The following CTSO variants were observed in gnomAD, a reference collection of about 807,000 sequenced individuals.
The protein encoded by CTSO is cathepsin O.
Under a neutral mutation model 42.4 loss-of-function variants are expected in CTSO, and 40 were observed. The ratio of observed to expected loss-of-function variants is 0.94; its 90% CI spans 0.73 to 1.23. The LOEUF (loss-of-function observed/expected upper bound fraction) is 1.23, where lower values mean the gene tolerates loss of function less well. Among genes scored for constraint, CTSO ranks in the 50% most tolerant of loss-of-function variants. The pLI is 0.00. For missense variants in CTSO, 441 were observed against 396.0 expected (o/e 1.11, Z -0.96); for synonymous variants, 156 against 146.2 (o/e 1.07, Z -0.48).
chr4:155,928,456 T>G (rs1167364714), intron 6 of CTSO, 28 bp from the exon 7 acceptor site: 1 of 1,487,400 alleles, frequency 6.7e-7, no homozygotes, highest in Non-Finnish European at 9.3e-7. Flanking sequence ...TAGTAACAAA[T>G]CCTGAAAACT....
At chr4:155,934,705 T>C (rs981235008) in intron 5 of CTSO, among the ~76,000 whole-genome samples, 1 of 152,186 alleles carries the variant, frequency 6.6e-6, no homozygotes, top group African/African-American at 2.4e-5. Flanking sequence ...TGGAGTTCCA[T>C]GGGCCCTCTA....
intron 4 of CTSO, among the ~76,000 whole-genome samples, chr4:155,938,370 G>T (rs1023910976): frequency 6.6e-6 from 1 of 152,152 alleles, no homozygotes; most frequent in African/African-American, 2.4e-5. Context: ...TGCAACCAAT[G>T]GATAATGGAA....
At chr4:155,927,201 A>G (rs1200907099) in intron 7 of CTSO, among the ~76,000 whole-genome samples, 1 of 152,236 alleles carries the variant, frequency 6.6e-6, no homozygotes, top group Non-Finnish European at 1.5e-5. Flanking sequence ...GTTAATAGTC[A>G]TTGAACATAA....
chr4:155,929,262 G>A lies in CTSO; in HGVS notation c.838+280C>T, dbSNP rs142648942. Among the ~76,000 whole-genome samples the A allele has an allele frequency of 3.7e-3, 559 of 152,220 alleles. 2 individuals carry two copies. The highest frequency in any genetic ancestry group is 0.013 in the African/African-American group (524 of 41,532). ...TAAATATGTGGGTAAAGCTCTGTTC[G>A]GGGCTCTCAGCTCTGAAGGCTGTGA... On this transcript the variant is annotated intron_variant, in intron 6 of 7. Coordinates refer to ENST00000433477, the MANE Select transcript of CTSO (RefSeq NM_001334.3).
At position 155,924,282 on chromosome 4, in the gene CTSO, A is replaced by T. The variant is rs755959464; in HGVS notation, c.*1754T>A. ...TCACATAGAAAGTCAGCGAATACAAACTAGACAAGCAGGACATAGTTCTTT... is the reference window on the plus strand; with the variant it reads ...TCACATAGAAAGTCAGCGAATACAATCTAGACAAGCAGGACATAGTTCTTT... On this transcript the variant is annotated 3_prime_UTR_variant, in exon 8 of 8. Coordinates refer to ENST00000433477, the MANE Select transcript of CTSO (RefSeq NM_001334.3). The T allele has an allele frequency of 6.6e-6, 1 of 151,496 alleles. No homozygotes were observed. The highest frequency in any genetic ancestry group is 1.5e-5 in the Non-Finnish European group (1 of 67,526). 9.4% of individuals were successfully genotyped at this position (151,496 alleles called of 1,614,324 possible).
chr4:155,937,103 A>G (rs1264541726), intron 5 of CTSO, among the ~76,000 whole-genome samples: 2 of 152,020 alleles, frequency 1.3e-5, no homozygotes, highest in Non-Finnish European at 2.9e-5. Context: ...AATATAACAA[A>G]TAAATATACA....
intron 1 of CTSO, among the ~76,000 whole-genome samples, chr4:155,952,917 T>C (rs571979519): frequency 3.3e-5 from 5 of 152,244 alleles, no homozygotes; most frequent in African/African-American, 1.2e-4. Flanking sequence ...TTAAATAGTA[T>C]CAGCTATCTA....
intron 1 of CTSO, among the ~76,000 whole-genome samples, chr4:155,953,394 G>C (rs544243464): frequency 2.6e-5 from 4 of 152,176 alleles, no homozygotes; most frequent in African/African-American, 7.2e-5. Flanking sequence ...TTGCTAAAAG[G>C]GGGTGCTTCT....
intron 3 of CTSO, 21 bp downstream of exon 3, chr4:155,942,296 A>G (rs1231997673): frequency 3.2e-6 from 5 of 1,541,944 alleles, no homozygotes; most frequent in Non-Finnish European, 4.4e-6. Flanking sequence ...TGATTAGAAA[A>G]GAAGAGGGAT....
chr4:155,953,823 GCCACGGCAGCGCCCGCACGT>G lies in CTSO; in HGVS notation c.5_24del (p.Asp2AlafsTer32). 2 of 1,317,962 alleles carry G rather than the reference GCCACGGCAGCGCCCGCACGT, an allele frequency of 1.5e-6. No homozygotes were observed. The highest frequency in any genetic ancestry group is 3.0e-5 in the African/African-American group (2 of 65,596). 81.6% of individuals were successfully genotyped at this position (1,317,962 alleles called of 1,614,324 possible). A position where few individuals can be genotyped will look rare whatever the true frequency, so the allele number is the denominator to read the frequency against. On this transcript the variant is annotated frameshift_variant, in exon 1 of 8. Coordinates refer to ENST00000433477, the MANE Select transcript of CTSO (RefSeq NM_001334.3). LOFTEE classifies it high-confidence loss of function. Reference sequence around the variant, plus strand: ...CACAGCAGCCACAGCAGCCACGGCAGCCACGGCAGCGCCCGCACGTCCATTGCGGCGCCCGGCTCCTCTGC... The same window carrying G: ...CACAGCAGCCACAGCAGCCACGGCAGCCATTGCGGCGCCCGGCTCCTCTGC...
At chr4:155,930,062 G>A (rs775500383) in intron 5 of CTSO, among the ~76,000 whole-genome samples, 14 of 152,180 alleles carry the variant, frequency 9.2e-5, no homozygotes, top group Non-Finnish European at 1.8e-4. Flanking sequence ...GAAATAACCC[G>A]CAACACTTCC....
chr4:155,926,943 T>C (rs2110900518), intron 7 of CTSO, among the ~76,000 whole-genome samples: 1 of 152,304 alleles, frequency 6.6e-6, no homozygotes, highest in Middle Eastern at 3.4e-3. Context: ...ACTGCTGCAG[T>C]CGGACATAAT....
At chr4:155,934,194 G>A (rs1242073851) in intron 5 of CTSO, among the ~76,000 whole-genome samples, 2 of 152,204 alleles carry the variant, frequency 1.3e-5, no homozygotes, top group Admixed American at 1.3e-4. Context: ...GCTCAAAGGG[G>A]CCAACATAGA....
intron 1 of CTSO, among the ~76,000 whole-genome samples, chr4:155,948,163 T>C (rs1281005522): frequency 6.6e-6 from 1 of 152,126 alleles, no homozygotes; most frequent in African/African-American, 2.4e-5. Flanking sequence ...CCCAAGAGAT[T>C]GAAGAAATTA....
intron 7 of CTSO, among the ~76,000 whole-genome samples, chr4:155,927,812 T>C (rs776576489): frequency 3.9e-5 from 6 of 151,990 alleles, no homozygotes; most frequent in Non-Finnish European, 8.8e-5. Flanking sequence ...AAAAGCATGT[T>C]TGGTATTTGC....
At chr4:155,943,323 T>C in intron 1 of CTSO, 59 bp from the exon 2 acceptor site, 1 of 1,000,986 alleles carries the variant, frequency 1.0e-6, no homozygotes, top group Admixed American at 2.1e-5. Context: ...AAGTAAACTG[T>C]GTATAACTAA....
intron 5 of CTSO, among the ~76,000 whole-genome samples, chr4:155,931,242 C>T (rs2110908021): frequency 6.6e-6 from 1 of 152,166 alleles, no homozygotes; most frequent in East Asian, 1.9e-4. Context: ...ATGATTTAAA[C>T]ATGATATATA....
intron 7 of CTSO, among the ~76,000 whole-genome samples, chr4:155,927,724 G>A (rs62326162): frequency 0.048 from 7,293 of 152,026 alleles, 249 homozygotes; most frequent in Non-Finnish European, 0.074. Context: ...GCAGTGAGCC[G>A]AGATCATGCC....
intron 5 of CTSO, among the ~76,000 whole-genome samples, chr4:155,935,989 A>AT (rs144461442): frequency 5.2e-4 from 79 of 150,844 alleles, no homozygotes; most frequent in Admixed American, 2.6e-3. Context: ...CTTCTTCTTA[A>AT]TTTTTTTTTC....
Sources: gnomAD v4.1 joint callset for allele counts (sites outside exome capture counted in the v4.1 genomes callset) on GRCh38, gnomAD v4.1.1 for gene constraint, MANE v1.5 for transcripts, NCBI Gene and HGNC (gene_info 2026-07-23, HGNC 2026-07-21) for gene names.